Variants in RRM1 observed in about 807,000 individuals in gnomAD.
The protein encoded by RRM1 is ribonucleoside-diphosphate reductase large subunit.
A neutral mutation model predicts 101.5 loss-of-function variants in RRM1; 19 were observed. That is an observed-to-expected ratio of 0.19 (90% CI 0.13 to 0.27). RRM1 has a LOEUF of 0.27. Among genes scored for constraint, RRM1 ranks in the 10% least tolerant of loss-of-function variants. The pLI is 1.00. For synonymous variants in RRM1, 298 were observed against 323.4 expected (o/e 0.92, Z 0.84); for missense variants, 500 against 962.9 (o/e 0.52, Z 6.36).
Position 4,131,669 on chromosome 11 carries a change from C to T in RRM1, c.1770-617C>T, listed in dbSNP as rs148149150. Among the ~76,000 whole-genome samples, 1,189 of 152,316 alleles carry T rather than the reference C, an allele frequency of 7.8e-3. 49 individuals carry two copies. The highest frequency in any genetic ancestry group is 0.071 in the Admixed American group (1,079 of 15,302). ...AGCCAGGGGCAGTTGGGAGATTTCT[C>T]AGTGTGTCAGATAGTGTATTTTCTC... On this transcript the variant is annotated intron_variant, in intron 15 of 18. Coordinates refer to ENST00000300738, the MANE Select transcript of RRM1 (RefSeq NM_001033.5).
chr11:4,138,254 C>T lies in RRM1; in HGVS notation c.2250C>T (p.Phe750=). 3 of 1,605,564 alleles carry T rather than the reference C, an allele frequency of 1.9e-6. No homozygotes were observed. The highest frequency in any genetic ancestry group is 1.3e-5 in the African/African-American group (1 of 74,868). The change falls in exon 19 of 19, where the codon TTC becomes TTT. Residue 750 remains phenylalanine, a synonymous_variant. Transcript: ENST00000300738. ...RTRPAANPIQ[F]TLNKEKLKDK... ...GACCAGCGGCTAATCCAATCCAGTT[C>T]ACTCTAAATAAGGAGAAGCTAAAAG...
At position 4,112,776 on chromosome 11, in the gene RRM1, G is replaced by A. The variant is rs115265262; in HGVS notation, c.650+714G>A. ...TTGTGGTAGTCTAGATTAGGGAGGTGAAAGTAGAAATTGACAGAAGCAGAT... is the reference window on the plus strand; with the variant it reads ...TTGTGGTAGTCTAGATTAGGGAGGTAAAAGTAGAAATTGACAGAAGCAGAT... On this transcript the variant is annotated intron_variant, in intron 7 of 18. Transcript: ENST00000300738. Among the ~76,000 whole-genome samples the A allele has an allele frequency of 6.3e-3, 956 of 152,308 alleles. 3 individuals are homozygous for A. Among genetic ancestry groups the A allele is most frequent in the African/African-American group, 0.022 (898 of 41,562 alleles).
chr11:4,096,499 A>G (rs1205129266), intron 1 of RRM1, among the ~76,000 whole-genome samples: 1 of 152,240 alleles, frequency 6.6e-6, no homozygotes, highest in Non-Finnish European at 1.5e-5. Flanking sequence ...AAAGGTGGAC[A>G]GTAGTGGCCT....
rs770792433 is a variant in RRM1, at chr11:4,127,162, A to C, written c.1598A>C (p.Glu533Ala). The change falls in exon 14 of 19, where the codon GAA (glutamate) becomes GCA (alanine). Residue 533 changes from glutamate to alanine, a missense_variant. Glu to Ala is a moderately radical substitution (Grantham distance 107). Transcript: ENST00000300738. Reference protein sequence around the residue: ...EAQLLNKQIFETIYYGALEAS... With the variant: ...EAQLLNKQIFATIYYGALEAS... ...CAGTTACTGAATAAGCAGATCTTTG[A>C]AACTATTTATTATGGTGCTCTGGAA... 1.9e-6 allele frequency: 3 copies of C among 1,614,044 alleles called. No homozygotes were observed. The highest frequency in any genetic ancestry group is 1.7e-6 in the Non-Finnish European group (2 of 1,179,976).
chr11:4,095,868 A>G (rs1431043650), intron 1 of RRM1, among the ~76,000 whole-genome samples: 2 of 152,158 alleles, frequency 1.3e-5, no homozygotes, highest in Non-Finnish European at 2.9e-5. Context: ...AGAGCAACAT[A>G]CTTTTAACAA....
chr11:4,101,623 C>T lies in RRM1; in HGVS notation c.20-370C>T, dbSNP rs552369471. Among the ~76,000 whole-genome samples the T allele has an allele frequency of 8.4e-5, 12 of 143,448 alleles. No individual in the cohort carries two copies. The South Asian group carries it at 2.9e-3, about 35-fold the overall frequency. The allele number at this position is 143,448 out of a possible 152,430, so 94.1% of individuals were successfully genotyped here. ...TACAGGTGTGAGCCACTAGGCCTGG[C>T]CTGTGGATTGTTATAACAATTTTGA... On this transcript the variant is annotated intron_variant, in intron 1 of 18. Coordinates refer to ENST00000300738, the MANE Select transcript of RRM1 (RefSeq NM_001033.5).
intron 1 of RRM1, among the ~76,000 whole-genome samples, chr11:4,099,721 G>GGATT (rs1402655664): frequency 6.6e-6 from 1 of 152,110 alleles, no homozygotes; most frequent in African/African-American, 2.4e-5. Context: ...TGAGAAGCAG[G>GGATT]GATTAGTGAT....
intron 9 of RRM1, 86 bp from the exon 10 acceptor site, chr11:4,121,518 G>T: frequency 1.2e-6 from 1 of 859,170 alleles, no homozygotes; most frequent in Non-Finnish European, 1.7e-6. Context: ...AAAATCAAAG[G>T]AGATACTATA....
At chr11:4,111,563 G>A (rs373213442) in intron 5 of RRM1, 38 bp from the exon 6 acceptor site, 15 of 1,531,052 alleles carry the variant, frequency 9.8e-6, no homozygotes, top group East Asian at 2.3e-5. Context: ...CTTTAAAAAC[G>A]GTGCTCTGAA....
In RRM1 at chr11:4,106,040, T is replaced by C; in HGVS notation, c.109-6T>C. ...GCTCAAGTAATTCTTGGTTTTATTT[T>C]TGTAGGCTCAGATCACCATGAAAGT... On this transcript the variant is annotated splice_region_variant and splice_polypyrimidine_tract_variant and intron_variant, in intron 2 of 18. Coordinates refer to ENST00000300738, the MANE Select transcript of RRM1 (RefSeq NM_001033.5). 6.2e-7 allele frequency: 1 copy of C among 1,604,738 alleles called. No homozygotes were observed. The highest frequency in any genetic ancestry group is 1.3e-5 in the African/African-American group (1 of 74,414).
intron 11 of RRM1, 78 bp from the exon 12 acceptor site, chr11:4,123,105 A>G (rs748236472): frequency 4.6e-6 from 5 of 1,076,454 alleles, no homozygotes; most frequent in Admixed American, 2.5e-5. Context: ...ATAACTTTAT[A>G]TTTTAATGTC....
At chr11:4,134,591 C>T (rs541343336) in intron 17 of RRM1, among the ~76,000 whole-genome samples, 61 of 152,242 alleles carry the variant, frequency 4.0e-4, no homozygotes, top group African/African-American at 1.3e-3. Context: ...TGAAAGTTAA[C>T]CCTAGGCCTA....
rs76788474 is a variant in RRM1 at position 4,110,160 on chromosome 11, A to T, written c.447+457A>T. Among the ~76,000 whole-genome samples, 931 of 150,392 alleles carry T rather than the reference A, an allele frequency of 6.2e-3. 13 individuals are homozygous for T. The highest frequency in any genetic ancestry group is 0.021 in the African/African-American group (877 of 40,968). On this transcript the variant is annotated intron_variant, in intron 5 of 18. Transcript: ENST00000300738. ...CAACAACAAATTTAATTAAAAAAAAATTTTTTTTTTGAGTCTGTGTCTCAC... is the reference window on the plus strand; with the variant it reads ...CAACAACAAATTTAATTAAAAAAAATTTTTTTTTTTGAGTCTGTGTCTCAC...
chr11:4,137,388 CAGG>C (rs2094613170), intron 18 of RRM1: 1 of 147,748 alleles, frequency 6.8e-6, no homozygotes, highest in African/African-American at 3.0e-5. Context: ...GGCGGCTGGC[CAGG>C]CGGGGGGCTG....
intron 8 of RRM1, among the ~76,000 whole-genome samples, chr11:4,118,736 T>C (rs2133305446): frequency 6.6e-6 from 1 of 152,354 alleles, no homozygotes; most frequent in South Asian, 2.1e-4. Context: ...TTATCATTGA[T>C]TGATTGCTTA....
At chr11:4,106,483 C>T (rs183826094) in intron 3 of RRM1, among the ~76,000 whole-genome samples, 25 of 152,286 alleles carry the variant, frequency 1.6e-4, no homozygotes, top group Non-Finnish European at 3.2e-4. Flanking sequence ...TGCAGTGGCT[C>T]ACGCCTGTAA....
intron 1 of RRM1, among the ~76,000 whole-genome samples, chr11:4,100,953 G>C (rs1354482095): frequency 1.3e-5 from 2 of 152,184 alleles, no homozygotes; most frequent in African/African-American, 4.8e-5. Flanking sequence ...GCTACTATTT[G>C]AGGTTAAACT....
At chr11:4,120,409 G>A (rs554299467) in intron 9 of RRM1, among the ~76,000 whole-genome samples, 1 of 151,950 alleles carries the variant, frequency 6.6e-6, no homozygotes, top group South Asian at 2.1e-4. Context: ...TATCACCCAG[G>A]CTGGAGTGCA....
chr11:4,113,741 A>G (rs2094568655), intron 7 of RRM1, among the ~76,000 whole-genome samples: 1 of 152,222 alleles, frequency 6.6e-6, no homozygotes. Context: ...AAACCTGTGT[A>G]GCATGTTACT....
Sources: allele counts gnomAD v4.1 joint callset (sites outside exome capture counted in the v4.1 genomes callset), GRCh38; gene constraint gnomAD v4.1.1; transcripts MANE v1.5; gene names NCBI Gene and HGNC (gene_info 2026-07-23, HGNC 2026-07-21).